The following INPP4B variants were observed in gnomAD, a reference collection of about 807,000 sequenced individuals.
INPP4B encodes the protein inositol polyphosphate-4-phosphatase type II B.
INPP4B carries 55 observed loss-of-function variants against 122.5 expected under a neutral mutation model. The ratio of observed to expected loss-of-function variants is 0.45; its 90% CI spans 0.36 to 0.56. The LOEUF (loss-of-function observed/expected upper bound fraction) is 0.56, where lower values mean the gene tolerates loss of function less well. Ranked by LOEUF, INPP4B falls within the 20% of genes least tolerant of loss-of-function variation. The pLI, the probability that INPP4B is intolerant of heterozygous loss-of-function variation, is 0.00. For synonymous variants in INPP4B, 403 were observed against 388.7 expected (o/e 1.04, Z -0.43); for missense variants, 1,000 against 1,097.7 (o/e 0.91, Z 1.26).
chr4:142,673,525 C>T (rs781060576), intron 2 of INPP4B, among the ~76,000 whole-genome samples: 4 of 152,002 alleles, frequency 2.6e-5, no homozygotes, highest in Non-Finnish European at 4.4e-5. Flanking sequence ...TTGGGTATTT[C>T]CTTGTACTCT....
chr4:142,089,889 T>A (rs1046373990), intron 23 of INPP4B, among the ~76,000 whole-genome samples: 4 of 152,156 alleles, frequency 2.6e-5, no homozygotes, highest in African/African-American at 7.2e-5. Context: ...GGGACTGAAG[T>A]GACTTTTTCA....
chr4:142,558,137 A>G (rs934192408), intron 2 of INPP4B, among the ~76,000 whole-genome samples: 3 of 152,072 alleles, frequency 2.0e-5, no homozygotes, highest in Admixed American at 2.0e-4. Context: ...TATCATCTCA[A>G]ACTTCTGGAA....
At chr4:142,512,062 A>G (rs190028230) in intron 2 of INPP4B, among the ~76,000 whole-genome samples, 70 of 152,252 alleles carry the variant, frequency 4.6e-4, no homozygotes, top group Admixed American at 4.5e-3. Context: ...AATTCAATTG[A>G]CTCTAGGTGA....
intron 2 of INPP4B, among the ~76,000 whole-genome samples, chr4:142,489,774 T>G (rs1195504511): frequency 6.6e-6 from 1 of 152,166 alleles, no homozygotes; most frequent in Non-Finnish European, 1.5e-5. Context: ...GGCATTTGTG[T>G]ATTCTTTCTT....
At chr4:142,842,629 A>G (rs990956094) in intron 1 of INPP4B, among the ~76,000 whole-genome samples, 5 of 136,088 alleles carry the variant, frequency 3.7e-5, no homozygotes, top group Admixed American at 3.2e-4. Context: ...ATTTATATAT[A>G]ATAATCCTAA....
chr4:142,605,929 G>T (rs1162047970), intron 2 of INPP4B, among the ~76,000 whole-genome samples: 1 of 151,872 alleles, frequency 6.6e-6, no homozygotes, highest in African/African-American at 2.4e-5. Flanking sequence ...ATATATCAAA[G>T]AACTGCCTGT....
intron 2 of INPP4B, among the ~76,000 whole-genome samples, chr4:142,567,399 C>G (rs921965907): frequency 9.2e-5 from 14 of 152,222 alleles, no homozygotes; most frequent in Non-Finnish European, 1.5e-4. Context: ...ACTAGTCACT[C>G]TTCCAGTAGT....
chr4:142,075,665 GGA>G (rs1770256032), intron 25 of INPP4B, among the ~76,000 whole-genome samples: 1 of 151,954 alleles, frequency 6.6e-6, no homozygotes, highest in Admixed American at 6.6e-5. Context: ...ATAGAGATGG[GGA>G]GAGTGTAGAG....
chr4:142,242,631 C>T (rs1051072616), intron 11 of INPP4B, among the ~76,000 whole-genome samples: 1 of 152,162 alleles, frequency 6.6e-6, no homozygotes, highest in African/African-American at 2.4e-5. Context: ...TGCCAGTATG[C>T]CTCTGATCAA....
At chr4:142,824,942 GT>G (rs1581002735) in intron 1 of INPP4B, among the ~76,000 whole-genome samples, 2 of 151,858 alleles carry the variant, frequency 1.3e-5, no homozygotes, top group African/African-American at 4.8e-5. Context: ...TTTTTTTTAA[GT>G]TTTTTTCACT....
chr4:142,722,884 C>A (rs1425478500), intron 2 of INPP4B, among the ~76,000 whole-genome samples: 1 of 152,050 alleles, frequency 6.6e-6, no homozygotes, highest in Non-Finnish European at 1.5e-5. Flanking sequence ...AATCAACCTG[C>A]AAGTTATGAT....
chr4:142,342,336 T>C (rs1431637267), intron 7 of INPP4B, among the ~76,000 whole-genome samples: 1 of 152,180 alleles, frequency 6.6e-6, no homozygotes, highest in Admixed American at 6.5e-5. Context: ...TACAATCAAA[T>C]AGAGTACTGG....
intron 2 of INPP4B, among the ~76,000 whole-genome samples, chr4:142,628,182 T>C (rs1307493079): frequency 1.1e-4 from 17 of 148,778 alleles, no homozygotes; most frequent in East Asian, 7.9e-4. Context: ...CAATGATAGA[T>C]TGGATTAAGA....
At chr4:142,223,465 G>A (rs1850232311) in intron 12 of INPP4B, among the ~76,000 whole-genome samples, 1 of 151,990 alleles carries the variant, frequency 6.6e-6, no homozygotes, top group Non-Finnish European at 1.5e-5. Flanking sequence ...CCATTCACTT[G>A]AAATACAAAA....
chr4:142,070,339 A>C (rs555732986), intron 25 of INPP4B, among the ~76,000 whole-genome samples: 1 of 152,320 alleles, frequency 6.6e-6, no homozygotes, highest in Admixed American at 6.5e-5. Context: ...ACATGTCTCA[A>C]AATAATAGCA....
chr4:142,289,901 C>A (rs1755598312), intron 9 of INPP4B, among the ~76,000 whole-genome samples: 1 of 152,150 alleles, frequency 6.6e-6, no homozygotes. Context: ...CAATGTTCTA[C>A]CTGTCCTTTC....
chr4:142,813,702 C>T (rs777787902), intron 1 of INPP4B, among the ~76,000 whole-genome samples: 4 of 152,092 alleles, frequency 2.6e-5, no homozygotes, highest in Non-Finnish European at 4.4e-5. Context: ...GTGCAACCAA[C>T]AAAATACATG....
chr4:142,445,514 T>A (rs1812715934), intron 3 of INPP4B, among the ~76,000 whole-genome samples: 1 of 152,162 alleles, frequency 6.6e-6, no homozygotes, highest in South Asian at 2.1e-4. Flanking sequence ...CAAGAAGACA[T>A]TACGATCTTA....
intron 2 of INPP4B, among the ~76,000 whole-genome samples, chr4:142,650,627 C>A (rs1752740189): frequency 6.6e-6 from 1 of 151,652 alleles, no homozygotes; most frequent in Admixed American, 6.6e-5. Context: ...ACAAAGAAGG[C>A]CATCACACAA....
Sources: allele counts gnomAD v4.1 joint callset (sites outside exome capture counted in the v4.1 genomes callset), GRCh38; gene constraint gnomAD v4.1.1; transcripts MANE v1.5; gene names NCBI Gene and HGNC (gene_info 2026-07-23, HGNC 2026-07-21).